The following NDUFS7 variants were observed in gnomAD, a reference collection of about 807,000 sequenced individuals.
NDUFS7 encodes NADH:ubiquinone oxidoreductase core subunit S7.
Under a neutral mutation model 31.1 loss-of-function variants are expected in NDUFS7, and 11 were observed. That is an observed-to-expected ratio of 0.35 (90% CI 0.22 to 0.59). NDUFS7 has a LOEUF of 0.59. NDUFS7 is among the 20% of genes least tolerant of loss of function. NDUFS7 has a pLI of 0.79. For synonymous variants in NDUFS7, 136 were observed against 127.9 expected, an observed-to-expected ratio of 1.06 and a Z score of -0.43; for missense variants, 263 against 324.2, an observed-to-expected ratio of 0.81 and a Z score of 1.45.
intron 1 of NDUFS7, chr19:1,384,236 C>G: frequency 2.1e-6 from 1 of 475,084 alleles, no homozygotes; most frequent in Non-Finnish European, 3.7e-6. Flanking sequence ...GTCCCCGAGA[C>G]CAGGGCACGG....
rs770928488 is a variant in NDUFS7, at chr19:1,387,858, G to C, written c.53+11G>C. On this transcript the variant is annotated intron_variant, in intron 2 of 7. Coordinates refer to ENST00000233627, the MANE Select transcript of NDUFS7 (RefSeq NM_024407.5). ...GATCCTTGGTCTGCGGTGAGTGCCT[G>C]AGTCTCCAGCCCTCAGCTGGGAGGG... is the stretch of plus-strand genomic sequence containing the variant. 4 of 1,511,282 alleles carry C rather than the reference G, an allele frequency of 2.6e-6. No individual in the cohort carries two copies. In the African/African-American group the frequency reaches 4.4e-5, roughly 16 times the overall value. The allele number at this position is 1,511,282 out of a possible 1,614,324, so 93.6% of individuals were successfully genotyped here.
At chr19:1,388,652 A>G (rs1283328917) in intron 3 of NDUFS7, 59 bp downstream of exon 3, 1 of 1,555,856 alleles carries the variant, frequency 6.4e-7, no homozygotes, top group Admixed American at 1.8e-5. Flanking sequence ...TCCCTTCCTT[A>G]TTTTCTGCAT....
chr19:1,395,347 G>A (rs769921323), intron 7 of NDUFS7, 44 bp from the exon 8 acceptor site: 14 of 1,577,238 alleles, frequency 8.9e-6, no homozygotes, highest in African/African-American at 2.7e-5. Context: ...GCGGTCACGC[G>A]GGCTCCGGCT....
At chr19:1,389,058 C>A in intron 4 of NDUFS7, 120 bp downstream of exon 4, 1 of 838,012 alleles carries the variant, frequency 1.2e-6, no homozygotes, top group Non-Finnish European at 2.0e-6. Flanking sequence ...CATGCACACT[C>A]ACATGCGCAC....
chr19:1,387,869 C>T (rs1235581875), intron 2 of NDUFS7, 22 bp downstream of exon 2: 2 of 1,552,350 alleles, frequency 1.3e-6, no homozygotes, highest in African/African-American at 1.5e-5. Context: ...AGTCTCCAGC[C>T]CTCAGCTGGG....
rs748471815 is a variant in NDUFS7, at chr19:1,391,011, C to T, written c.369C>T (p.Ala123=). The T allele has an allele frequency of 5.2e-5, 84 of 1,613,052 alleles. No homozygotes were observed. Among genetic ancestry groups the T allele is most frequent in the Non-Finnish European group, 6.2e-5 (73 of 1,179,774 alleles). Residue 123 remains alanine (A), a synonymous_variant, in exon 5 of 8, where the codon GCC becomes GCT. Transcript: ENST00000233627. ...SPRQSDVMIV[A]GTLTNKMAPA... is the part of the protein sequence containing the mutation. The stretch of plus-strand genomic sequence containing the variant: ...GCCAGTCCGACGTCATGATCGTGGC[C>T]GGCACACTCACCAACAAGATGGCCC...
At chr19:1,390,090 T>TG (rs1392152808) in intron 4 of NDUFS7, 3 of 156,082 alleles carry the variant, frequency 1.9e-5, no homozygotes, top group Non-Finnish European at 4.2e-5. Context: ...TTAGTAGAGA[T>TG]GGGGTTTCAC....
chr19:1,391,486 CTTTTTT>C (rs11287297), intron 6 of NDUFS7, among the ~76,000 whole-genome samples: 1 of 122,708 alleles, frequency 8.1e-6, no homozygotes, highest in African/African-American at 3.1e-5. Context: ...AGTTTTTTTT[CTTTTTT>C]TTTTTTTTTT....
Position 1,393,965 on chromosome 19 carries a change from G to A in NDUFS7, c.544+635G>A, listed in dbSNP as rs1184185322. On this transcript the variant is annotated intron_variant, in intron 7 of 7. Coordinates refer to ENST00000233627, the MANE Select transcript of NDUFS7 (RefSeq NM_024407.5). The surrounding 1 kb of genome is among the most constrained non-coding windows in gnomAD (Gnocchi z 7.3). ...ACTCTTGCACCTCACGTGGTCCCAC[G>A]AGGGCCATCCCCCCGGGCGTTCACC... The A allele has an allele frequency of 2.0e-5, 5 of 247,000 alleles. No individual in the cohort carries two copies. Among genetic ancestry groups the A allele is most frequent in the East Asian group, 1.1e-4 (1 of 9,412 alleles). The allele number at this position is 247,000 out of a possible 1,614,324, so 15.3% of individuals were successfully genotyped here. A position where few individuals can be genotyped will look rare whatever the true frequency, so the allele number is the denominator to read the frequency against.
chr19:1,390,208 A>G (rs2082545520), intron 4 of NDUFS7: 1 of 158,786 alleles, frequency 6.3e-6, no homozygotes, highest in African/African-American at 2.4e-5. Flanking sequence ...CTAATGCAGG[A>G]TAGTTTCTAA....
chr19:1,394,314 C>A, intron 7 of NDUFS7: 1 of 1,262,656 alleles, frequency 7.9e-7, no homozygotes. Flanking sequence ...CAGAGAGGTC[C>A]ATCCTGGGGT....
intron 7 of NDUFS7, chr19:1,394,082 G>A (rs568257641): frequency 1.6e-5 from 5 of 312,752 alleles, no homozygotes; most frequent in South Asian, 1.1e-4. Context: ...TGCTGCGTGC[G>A]GCATTAGCTC....
chr19:1,394,192 T>G lies in NDUFS7; in HGVS notation c.544+862T>G, dbSNP rs373014577. ...AAAAGTGGAGGAACAGGCTCTGACT[T>G]TGGATTCCGCTTCCCTGGAAAGGGC... On this transcript the variant is annotated intron_variant, in intron 7 of 7. Coordinates refer to ENST00000233627, the MANE Select transcript of NDUFS7 (RefSeq NM_024407.5). 102 of 387,332 alleles carry G rather than the reference T, an allele frequency of 2.6e-4. 1 individual carries two copies. Among genetic ancestry groups the G allele is most frequent in the African/African-American group, 2.0e-3 (96 of 47,472 alleles). 24.0% of individuals were successfully genotyped at this position (387,332 alleles called of 1,614,324 possible). A position where few individuals can be genotyped will look rare whatever the true frequency, so the allele number is the denominator to read the frequency against.
intron 4 of NDUFS7, chr19:1,390,548 C>T (rs1289526745): frequency 6.0e-6 from 3 of 498,220 alleles, no homozygotes; most frequent in South Asian, 2.2e-5. Context: ...CGCTACTACT[C>T]GCCTGTAGCC....
intron 2 of NDUFS7, 146 bp downstream of exon 2, chr19:1,387,993 G>A (rs1299847206): frequency 1.1e-5 from 9 of 798,094 alleles, no homozygotes; most frequent in African/African-American, 3.4e-5. Flanking sequence ...CGGTCTGCAC[G>A]CTGCCCGTGA....
intron 1 of NDUFS7, among the ~76,000 whole-genome samples, chr19:1,386,363 T>C (rs1259586754): frequency 6.6e-6 from 1 of 152,214 alleles, no homozygotes; most frequent in Non-Finnish European, 1.5e-5. Flanking sequence ...CCTCTGTCCT[T>C]GGCTTGCCCG....
At chr19:1,394,570 C>T (rs2082581187) in intron 7 of NDUFS7, 8 of 1,253,080 alleles carry the variant, frequency 6.4e-6, no homozygotes, top group Non-Finnish European at 8.2e-6. Context: ...GCGCTCCTCC[C>T]TCCCTGCGGA....
chr19:1,390,243 G>T, intron 4 of NDUFS7: 1 of 162,376 alleles, frequency 6.2e-6, no homozygotes, highest in Admixed American at 5.8e-5. Context: ...GACATGGCCA[G>T]CGGCCGTCCC....
intron 1 of NDUFS7, chr19:1,387,272 T>G: frequency 5.6e-6 from 1 of 178,608 alleles, no homozygotes; most frequent in Non-Finnish European, 1.2e-5. Flanking sequence ...GGACGAGCAC[T>G]GGGTGCCCAG....
Sources: allele counts gnomAD v4.1 joint callset (sites outside exome capture counted in the v4.1 genomes callset), GRCh38; gene constraint gnomAD v4.1.1; non-coding constraint Gnocchi (gnomAD v3.1); transcripts MANE v1.5; gene names NCBI Gene and HGNC (gene_info 2026-07-23, HGNC 2026-07-21).